The following RRN3 variants were observed in gnomAD, a reference collection of about 807,000 sequenced individuals.
RRN3 encodes the protein RNA polymerase I transcription factor RRN3, also known as RNA polymerase I-specific transcription initiation factor RRN3.
A neutral mutation model predicts 82.3 loss-of-function variants in RRN3; 38 were observed. The ratio of observed to expected loss-of-function variants is 0.46; its 90% confidence interval spans 0.36 to 0.61. The LOEUF (loss-of-function observed/expected upper bound fraction) is 0.61. Ranked by LOEUF, RRN3 falls within the 20% of genes least tolerant of loss-of-function variation. The probability of loss-of-function intolerance (pLI) is 0.00; values close to 1 mark genes in which losing one functional copy is unlikely to be tolerated. For synonymous variants in RRN3, 284 were observed against 284.3 expected (o/e 1.00, Z 0.01); for missense variants, 726 against 793.1 (o/e 0.92, Z 1.02).
intron 1 of RRN3, chr16:15,093,937 A>G (rs2046243022): frequency 1.7e-6 from 1 of 588,636 alleles, no homozygotes; most frequent in East Asian, 3.0e-5. Flanking sequence ...CCTCCAGAAC[A>G]GAGAACATAG....
At chr16:15,063,080 T>C in intron 17 of RRN3, 116 bp downstream of exon 17, 1 of 810,236 alleles carries the variant, frequency 1.2e-6, no homozygotes, top group Non-Finnish European at 2.2e-6. Flanking sequence ...TCCTCTGGCC[T>C]TGACCCCCTA....
chr16:15,086,949 G>A (rs1266403141), intron 3 of RRN3, among the ~76,000 whole-genome samples: 1 of 152,142 alleles, frequency 6.6e-6, no homozygotes, highest in African/African-American at 2.4e-5. Context: ...AATATATTAT[G>A]ATGTGATTGT....
intron 17 of RRN3, 67 bp downstream of exon 17, chr16:15,063,129 C>T (rs1298139333): frequency 8.2e-6 from 10 of 1,212,216 alleles, no homozygotes; most frequent in Non-Finnish European, 1.2e-5. Flanking sequence ...TTGCCACTTA[C>T]TATCTCACTG....
intron 13 of RRN3, among the ~76,000 whole-genome samples, chr16:15,070,668 G>T (rs947195249): frequency 2.6e-5 from 4 of 152,042 alleles, no homozygotes; most frequent in African/African-American, 9.7e-5. Flanking sequence ...ATAATTTTGT[G>T]GTTGGGGAAG....
At chr16:15,062,492 C>T (rs1252726094) in intron 17 of RRN3, among the ~76,000 whole-genome samples, 4 of 152,200 alleles carry the variant, frequency 2.6e-5, no homozygotes, top group African/African-American at 9.7e-5. Flanking sequence ...AGCAACAGAG[C>T]AGCGAAATTC....
At chr16:15,085,773 G>A (rs1281914639) in intron 5 of RRN3, 75 bp from the exon 6 acceptor site, 2 of 1,588,472 alleles carry the variant, frequency 1.3e-6, no homozygotes, top group Non-Finnish European at 1.7e-6. Context: ...AAAAGTTACT[G>A]ACCTAGACAA....
intron 3 of RRN3, among the ~76,000 whole-genome samples, chr16:15,088,276 G>A (rs1421643095): frequency 2.0e-5 from 3 of 152,060 alleles, no homozygotes; most frequent in Non-Finnish European, 4.4e-5. Flanking sequence ...AGGAATTTGA[G>A]ACCAGCCTGG....
At chr16:15,093,685 GGGATTTTAAAAGT>G (rs1400338575) in intron 1 of RRN3, among the ~76,000 whole-genome samples, 1 of 152,210 alleles carries the variant, frequency 6.6e-6, no homozygotes, top group Non-Finnish European at 1.5e-5. Flanking sequence ...ACGGGGGTTA[GGGATTTTAAAAGT>G]GGAGCAAAAT....
At chr16:15,080,420 A>G (rs1472227901) in intron 8 of RRN3, among the ~76,000 whole-genome samples, 2 of 152,218 alleles carry the variant, frequency 1.3e-5, no homozygotes, top group Admixed American at 6.5e-5. Context: ...GACCATCAAC[A>G]TAATCAATTT....
chr16:15,087,756 A>C (rs2045965299), intron 3 of RRN3, among the ~76,000 whole-genome samples: 2 of 152,238 alleles, frequency 1.3e-5, no homozygotes, highest in Admixed American at 1.3e-4. Context: ...AAACTATCCT[A>C]TCTCTTTTCC....
chr16:15,067,072 T>C (rs2966191), intron 15 of RRN3, among the ~76,000 whole-genome samples: 82,512 of 131,422 alleles, frequency 0.63, 27,986 homozygotes, highest in Non-Finnish European at 0.74. Flanking sequence ...ACCCACTCAC[T>C]GCCGTTGCTT....
intron 15 of RRN3, 86 bp downstream of exon 15, chr16:15,068,083 T>C (rs2045053982): frequency 9.6e-6 from 14 of 1,465,930 alleles, no homozygotes; most frequent in South Asian, 7.5e-5. Context: ...ACTAATTTCA[T>C]AGAAATTTAA....
intron 14 of RRN3, 112 bp downstream of exon 14, chr16:15,069,958 G>T: frequency 6.9e-7 from 1 of 1,449,696 alleles, no homozygotes. Flanking sequence ...GAGTGCACAT[G>T]CAGTTTTCTG....
chr16:15,079,606 T>C (rs1199303597), intron 9 of RRN3, among the ~76,000 whole-genome samples: 2 of 151,858 alleles, frequency 1.3e-5, no homozygotes, highest in Admixed American at 6.6e-5. Flanking sequence ...CTTTTTTTTT[T>C]TTTTGAGATG....
intron 9 of RRN3, among the ~76,000 whole-genome samples, chr16:15,079,145 A>G (rs1193084828): frequency 1.4e-5 from 2 of 143,116 alleles, no homozygotes; most frequent in African/African-American, 5.0e-5. Context: ...TAATGGCAAC[A>G]CCAAGATTCA....
intron 3 of RRN3, among the ~76,000 whole-genome samples, chr16:15,090,684 T>C (rs2046094829): frequency 6.6e-6 from 1 of 152,178 alleles, no homozygotes; most frequent in Non-Finnish European, 1.5e-5. Flanking sequence ...GTTAAAACAA[T>C]TTGCTCAAGA....
chr16:15,088,297 G>A (rs1484075095), intron 3 of RRN3, among the ~76,000 whole-genome samples: 3 of 152,104 alleles, frequency 2.0e-5, no homozygotes, highest in Non-Finnish European at 2.9e-5. Context: ...GCAACATGGG[G>A]AGACCTCATC....
rs1350932408 is a variant in RRN3, at chr16:15,086,275, A to C, written c.343-17T>G. The C allele has an allele frequency of 6.4e-7, 1 of 1,562,756 alleles. No homozygotes were observed. On this transcript the variant is annotated splice_polypyrimidine_tract_variant and intron_variant, in intron 4 of 17. Coordinates refer to ENST00000198767, the MANE Select transcript of RRN3 (RefSeq NM_018427.5). ...AGGCAATCTCTAGAGTGGGGGAAGAAAGATAAAAGCAGCATGTTATTAATA... is the reference window on the plus strand; with the variant it reads ...AGGCAATCTCTAGAGTGGGGGAAGACAGATAAAAGCAGCATGTTATTAATA...
At chr16:15,077,611 G>A (rs1235778121) in intron 9 of RRN3, among the ~76,000 whole-genome samples, 1 of 152,200 alleles carries the variant, frequency 6.6e-6, no homozygotes, top group Non-Finnish European at 1.5e-5. Context: ...GGAGGCCGAG[G>A]TGGACGGATC....
Sources: gnomAD v4.1 joint callset for allele counts (sites outside exome capture counted in the v4.1 genomes callset) on GRCh38, gnomAD v4.1.1 for gene constraint, MANE v1.5 for transcripts, NCBI Gene and HGNC (gene_info 2026-07-23, HGNC 2026-07-21) for gene names.